Variants in METTL15 observed in about 807,000 individuals in gnomAD.
The protein encoded by METTL15 is 12S rRNA N(4)-cytidine methyltransferase METTL15.
Under a neutral mutation model 38.3 loss-of-function variants are expected in METTL15, and 34 were observed. The observed-to-expected ratio is 0.89, with a 90% CI of 0.68 to 1.18. The LOEUF (loss-of-function observed/expected upper bound fraction) is 1.18. METTL15 is among the 50% of genes most tolerant of loss of function. METTL15 has a pLI of 0.00. For missense variants in METTL15, 438 were observed against 498.4 expected, an observed-to-expected ratio of 0.88 and a Z score of 1.15; for synonymous variants, 162 against 170.9, an observed-to-expected ratio of 0.95 and a Z score of 0.41.
chr11:28,440,546 A>G (rs1020872004), intron 6 of METTL15, among the ~76,000 whole-genome samples: 1 of 152,242 alleles, frequency 6.6e-6, no homozygotes, highest in African/African-American at 2.4e-5. Context: ...ATGATTTGAA[A>G]AAGCTGATTA....
At chr11:28,515,426 T>C (rs1034240868) in intron 6 of METTL15, among the ~76,000 whole-genome samples, 9 of 152,224 alleles carry the variant, frequency 5.9e-5, no homozygotes, top group Non-Finnish European at 4.4e-5. Flanking sequence ...CTGATCTGTG[T>C]TGTTGATTTT....
chr11:28,242,482 T>C (rs1282176407), intron 4 of METTL15, among the ~76,000 whole-genome samples: 1 of 152,202 alleles, frequency 6.6e-6, no homozygotes, highest in Non-Finnish European at 1.5e-5. Flanking sequence ...GAGAACATCA[T>C]TCCTAGAATA....
At chr11:28,262,556 T>G (rs898037595) in intron 4 of METTL15, among the ~76,000 whole-genome samples, 4 of 152,098 alleles carry the variant, frequency 2.6e-5, no homozygotes, top group Non-Finnish European at 4.4e-5. Context: ...GTGTTTGAAT[T>G]CACAGAGATG....
intron 5 of METTL15, among the ~76,000 whole-genome samples, chr11:28,364,287 A>C (rs780941806): frequency 3.3e-5 from 5 of 152,134 alleles, no homozygotes; most frequent in Non-Finnish European, 7.4e-5. Flanking sequence ...GGCCATTTTA[A>C]TTATATTGAT....
At chr11:28,382,520 G>T (rs1013642879) in intron 5 of METTL15, among the ~76,000 whole-genome samples, 35 of 152,120 alleles carry the variant, frequency 2.3e-4, no homozygotes, top group African/African-American at 8.4e-4. Context: ...AGCAGATTGA[G>T]GGGAGGGGTA....
chr11:28,198,062 C>T (rs954799931), intron 3 of METTL15, among the ~76,000 whole-genome samples: 1 of 152,004 alleles, frequency 6.6e-6, no homozygotes, highest in African/African-American at 2.4e-5. Flanking sequence ...ACCTCTCCAG[C>T]ATTCTTAGTA....
intron 3 of METTL15, among the ~76,000 whole-genome samples, chr11:28,169,909 A>G (rs1009821745): frequency 1.5e-4 from 23 of 152,092 alleles, no homozygotes; most frequent in African/African-American, 5.1e-4. Context: ...CCTGAACACA[A>G]GCAAAATTTG....
intron 6 of METTL15, among the ~76,000 whole-genome samples, chr11:28,316,669 C>T (rs920710381): frequency 1.3e-5 from 2 of 152,140 alleles, no homozygotes; most frequent in African/African-American, 4.8e-5. Flanking sequence ...CATTTAATAA[C>T]TCACATAATT....
chr11:28,501,201 G>T (rs1405517357), intron 6 of METTL15, among the ~76,000 whole-genome samples: 1 of 152,186 alleles, frequency 6.6e-6, no homozygotes, highest in African/African-American at 2.4e-5. Flanking sequence ...TAGATGGGCA[G>T]CTATGTGCCC....
chr11:28,152,982 G>C (rs781606919), intron 3 of METTL15, among the ~76,000 whole-genome samples: 36 of 152,008 alleles, frequency 2.4e-4, no homozygotes, highest in Non-Finnish European at 4.1e-4. Context: ...CATGGCATTT[G>C]CAAACTGTCA....
chr11:28,374,841 T>C (rs1216567718), intron 5 of METTL15, among the ~76,000 whole-genome samples: 35 of 148,684 alleles, frequency 2.4e-4, no homozygotes, highest in Admixed American at 7.4e-4. Flanking sequence ...ATACGTCCCA[T>C]CAATACCTAA....
At chr11:28,156,171 A>G (rs542798768) in intron 3 of METTL15, among the ~76,000 whole-genome samples, 26 of 152,268 alleles carry the variant, frequency 1.7e-4, no homozygotes, top group African/African-American at 5.8e-4. Context: ...TTTGGAAGTC[A>G]CCTCATAAAA....
At chr11:28,437,361 T>C (rs1225680665) in intron 6 of METTL15, among the ~76,000 whole-genome samples, 1 of 152,208 alleles carries the variant, frequency 6.6e-6, no homozygotes. Flanking sequence ...GCCTGACAAA[T>C]ATTAGGTGCT....
intron 4 of METTL15, among the ~76,000 whole-genome samples, chr11:28,287,037 CTA>C (rs1856295601): frequency 6.7e-6 from 1 of 150,184 alleles, no homozygotes; most frequent in African/African-American, 2.5e-5. Context: ...ACTCTCCGCA[CTA>C]TATATATGTA....
At chr11:28,360,457 C>G (rs1219467507) in intron 4 of METTL15, among the ~76,000 whole-genome samples, 1 of 152,140 alleles carries the variant, frequency 6.6e-6, no homozygotes, top group Non-Finnish European at 1.5e-5. Context: ...ACAATGTAAA[C>G]CAAGGATCTA....
chr11:28,188,989 T>C (rs1213253099), intron 3 of METTL15, among the ~76,000 whole-genome samples: 10 of 151,340 alleles, frequency 6.6e-5, no homozygotes, highest in Admixed American at 6.0e-4. Context: ...TAAAATATCG[T>C]TTACCATAAT....
intron 3 of METTL15, among the ~76,000 whole-genome samples, chr11:28,154,124 AG>A (rs1389820123): frequency 1.3e-5 from 2 of 152,154 alleles, no homozygotes; most frequent in African/African-American, 4.8e-5. Flanking sequence ...AGGAGCTGGA[AG>A]GAAATTAGGA....
chr11:28,373,259 T>A (rs370672025), intron 5 of METTL15, among the ~76,000 whole-genome samples: 1 of 152,072 alleles, frequency 6.6e-6, no homozygotes, highest in Admixed American at 6.6e-5. Context: ...TGTTCCTATT[T>A]CTCCACATCC....
At chr11:28,202,838 A>G (rs897016952) in intron 3 of METTL15, among the ~76,000 whole-genome samples, 3 of 152,172 alleles carry the variant, frequency 2.0e-5, no homozygotes, top group Non-Finnish European at 4.4e-5. Context: ...AATATTCTGC[A>G]GATTGAAAAT....
Sources: gnomAD v4.1 joint callset for allele counts (sites outside exome capture counted in the v4.1 genomes callset) on GRCh38, gnomAD v4.1.1 for gene constraint, MANE v1.5 for transcripts, NCBI Gene and HGNC (gene_info 2026-07-23, HGNC 2026-07-21) for gene names.